The following FRAS1 variants were observed in gnomAD, a reference collection of about 807,000 sequenced individuals.
FRAS1 encodes the protein extracellular matrix organizing protein FRAS1.
In FRAS1, 290 loss-of-function variants were observed where a neutral mutation model predicts 435.2. That is an observed-to-expected ratio of 0.67 (90% CI 0.61 to 0.73). The LOEUF (loss-of-function observed/expected upper bound fraction) is 0.73, where lower values mean the gene tolerates loss of function less well. Ranked by LOEUF, FRAS1 falls within the 30% of genes least tolerant of loss-of-function variation. The pLI, the probability that FRAS1 is intolerant of heterozygous loss-of-function variation, is 0.00. For missense variants in FRAS1, 4,860 were observed against 5,001.5 expected (o/e 0.97, Z 0.85); for synonymous variants, 1,800 against 1,851.0 (o/e 0.97, Z 0.71).
intron 31 of FRAS1, among the ~76,000 whole-genome samples, chr4:78,408,874 A>C (rs1733207257): frequency 6.6e-6 from 1 of 152,010 alleles, no homozygotes; most frequent in African/African-American, 2.4e-5. Context: ...TTGTAATCTC[A>C]ACACCTCGGG....
chr4:78,195,967 T>C (rs1006369625), intron 2 of FRAS1, among the ~76,000 whole-genome samples: 5 of 151,966 alleles, frequency 3.3e-5, no homozygotes, highest in Admixed American at 6.5e-5. Flanking sequence ...TTTTTTACTT[T>C]TTTTTAACCT....
chr4:78,092,742 A>G (rs1420428776), intron 2 of FRAS1, among the ~76,000 whole-genome samples: 1 of 152,186 alleles, frequency 6.6e-6, no homozygotes, highest in African/African-American at 2.4e-5. Context: ...ACCTCACAGG[A>G]CAAATGCTCC....
intron 70 of FRAS1, among the ~76,000 whole-genome samples, chr4:78,533,651 G>T (rs1390744): frequency 0.44 from 67,469 of 152,116 alleles, 15,549 homozygotes; most frequent in East Asian, 0.79. Flanking sequence ...AACACTTAAG[G>T]TGCTGGCACC....
chr4:78,381,953 G>C (rs1430832435), intron 27 of FRAS1, among the ~76,000 whole-genome samples: 1 of 152,188 alleles, frequency 6.6e-6, no homozygotes, highest in African/African-American at 2.4e-5. Context: ...GAAACCCATG[G>C]AAAATAAAAT....
At chr4:78,180,901 C>T in intron 2 of FRAS1, 1 of 1,604,286 alleles carries the variant, frequency 6.2e-7, no homozygotes, top group Non-Finnish European at 8.5e-7. Flanking sequence ...GGGTCATCCA[C>T]ATCAGGAGCA....
intron 2 of FRAS1, among the ~76,000 whole-genome samples, chr4:78,229,550 T>TCACAGTC (rs1362304090): frequency 6.6e-6 from 1 of 152,168 alleles, no homozygotes; most frequent in Admixed American, 6.5e-5. Flanking sequence ...CCCTTAAGCT[T>TCACAGTC]CACAGTCCCT....
In FRAS1 at chr4:78,400,838, C is replaced by A. The variant is rs1298235289; in HGVS notation, c.4080C>A (p.Ala1360=). 1 of 1,613,606 alleles carries A rather than the reference C, an allele frequency of 6.2e-7. No individual in the cohort carries two copies. The highest frequency in any genetic ancestry group is 1.3e-5 in the African/African-American group (1 of 74,902). The change falls in exon 30 of 74, where the codon GCC becomes GCA. Residue 1360 remains alanine (A), a synonymous_variant. Transcript: ENST00000512123. ...NRILQAEAPG[A]SAEEIIYKIT... The stretch of plus-strand genomic sequence containing the variant: ...TCTTACAGGCCGAGGCTCCTGGTGC[C>A]AGTGCTGAAGAAATCATCTACAAGA...
Position 78,502,228 on chromosome 4 carries a change from A to G in FRAS1, c.9316+2307A>G, listed in dbSNP as rs1578361285. Among the ~76,000 whole-genome samples, 10 of 152,276 alleles carry G rather than the reference A, an allele frequency of 6.6e-5. No individual in the cohort carries two copies. The South Asian group carries it at 2.1e-3, about 32-fold the overall frequency. On this transcript the variant is annotated intron_variant, in intron 61 of 73. Transcript: ENST00000512123. ...TCTTTTTTGGCTCCATATGAAATTT[A>G]AAGTAGTTTTTTTCCAATTCTGTGA...
At chr4:78,344,659 A>T (rs1312126443) in intron 20 of FRAS1, among the ~76,000 whole-genome samples, 1 of 151,968 alleles carries the variant, frequency 6.6e-6, no homozygotes, top group Non-Finnish European at 1.5e-5. Context: ...ATTAAAAGTC[A>T]GTGTGATAAA....
chr4:78,085,528 A>G (rs1456773945), intron 2 of FRAS1, among the ~76,000 whole-genome samples: 1 of 152,130 alleles, frequency 6.6e-6, no homozygotes, highest in Admixed American at 6.6e-5. Flanking sequence ...GCAGTTTTGA[A>G]TATCTGGAAG....
intron 9 of FRAS1, among the ~76,000 whole-genome samples, chr4:78,269,087 T>C (rs1048323218): frequency 1.3e-5 from 2 of 152,268 alleles, no homozygotes; most frequent in Admixed American, 1.3e-4. Flanking sequence ...TTGACTCTGA[T>C]GAAACATATC....
intron 29 of FRAS1, among the ~76,000 whole-genome samples, chr4:78,390,526 T>C (rs1162189928): frequency 1.3e-5 from 2 of 152,232 alleles, no homozygotes; most frequent in African/African-American, 2.4e-5. Context: ...GTGTTGGTCA[T>C]ATATATTCTT....
At chr4:78,211,209 T>C (rs1332242070) in intron 2 of FRAS1, among the ~76,000 whole-genome samples, 1 of 152,178 alleles carries the variant, frequency 6.6e-6, no homozygotes, top group Non-Finnish European at 1.5e-5. Flanking sequence ...AACTTCTGGG[T>C]GTTGATAAGT....
intron 6 of FRAS1, among the ~76,000 whole-genome samples, chr4:78,262,058 G>A (rs886413726): frequency 1.3e-5 from 2 of 152,140 alleles, no homozygotes; most frequent in Non-Finnish European, 2.9e-5. Flanking sequence ...TAGGAAATAA[G>A]CATGCCACCT....
At chr4:78,455,872 C>T (rs1466839804) in intron 47 of FRAS1, among the ~76,000 whole-genome samples, 8 of 152,128 alleles carry the variant, frequency 5.3e-5, no homozygotes. Context: ...GTTATATTAA[C>T]TAGGATAGAA....
At chr4:78,178,177 A>C (rs1484538738) in intron 2 of FRAS1, among the ~76,000 whole-genome samples, 1 of 151,832 alleles carries the variant, frequency 6.6e-6, no homozygotes, top group Non-Finnish European at 1.5e-5. Flanking sequence ...TTCTATGTGT[A>C]TGTGTGTTCT....
At chr4:78,473,792 A>T (rs1171264827) in intron 53 of FRAS1, among the ~76,000 whole-genome samples, 195 bp downstream of exon 53, 1 of 102,660 alleles carries the variant, frequency 9.7e-6, no homozygotes, top group Non-Finnish European at 2.3e-5. Flanking sequence ...AGGACTCGAC[A>T]TGCATCATCT....
chr4:78,195,032 G>A (rs1366281870), intron 2 of FRAS1, among the ~76,000 whole-genome samples: 1 of 152,132 alleles, frequency 6.6e-6, no homozygotes, highest in African/African-American at 2.4e-5. Context: ...TTTGCTGGAG[G>A]TCCACTCCAG....
intron 2 of FRAS1, among the ~76,000 whole-genome samples, chr4:78,078,906 T>C (rs1013463687): frequency 2.6e-5 from 4 of 152,148 alleles, no homozygotes; most frequent in Admixed American, 2.6e-4. Context: ...TTGATGAGAT[T>C]TCTGGGAATT....
Sources: gnomAD v4.1 joint callset for allele counts (sites outside exome capture counted in the v4.1 genomes callset) on GRCh38, gnomAD v4.1.1 for gene constraint, MANE v1.5 for transcripts, NCBI Gene and HGNC (gene_info 2026-07-23, HGNC 2026-07-21) for gene names.